Variants in CNTN5 observed in about 807,000 individuals in gnomAD.
The protein encoded by CNTN5 is contactin 5, also known as contactin-5.
In CNTN5, 77 loss-of-function variants were observed where a neutral mutation model predicts 129.1. The ratio of observed to expected loss-of-function variants is 0.60; its 90% confidence interval spans 0.50 to 0.72. CNTN5 has a LOEUF of 0.72. Ranked by LOEUF, CNTN5 falls within the 30% of genes least tolerant of loss-of-function variation. The probability of loss-of-function intolerance (pLI) is 0.00; values close to 1 mark genes in which losing one functional copy is unlikely to be tolerated. For synonymous variants in CNTN5, 509 were observed against 465.6 expected, an observed-to-expected ratio of 1.09 and a Z score of -1.20; for missense variants, 1,478 against 1,328.8, an observed-to-expected ratio of 1.11 and a Z score of -1.75.
At chr11:99,198,903 A>T (rs947864274) in intron 1 of CNTN5, among the ~76,000 whole-genome samples, 2 of 152,178 alleles carry the variant, frequency 1.3e-5, no homozygotes, top group African/African-American at 2.4e-5. Flanking sequence ...AGCCTCAGTC[A>T]TATTCTAGCA....
intron 2 of CNTN5, among the ~76,000 whole-genome samples, chr11:99,529,816 GTAAT>G (rs1465740030): frequency 6.6e-6 from 1 of 152,106 alleles, no homozygotes; most frequent in Non-Finnish European, 1.5e-5. Context: ...GGAAAACACT[GTAAT>G]TAACATGGAG....
chr11:100,129,361 C>A (rs879448373), intron 13 of CNTN5, among the ~76,000 whole-genome samples: 4 of 152,100 alleles, frequency 2.6e-5, no homozygotes, highest in Non-Finnish European at 5.9e-5. Flanking sequence ...GACCAATGGG[C>A]CAGTAAACGC....
intron 3 of CNTN5, among the ~76,000 whole-genome samples, chr11:99,589,091 A>T (rs914524578): frequency 1.3e-5 from 2 of 152,210 alleles, no homozygotes; most frequent in African/African-American, 4.8e-5. Context: ...ACATGTTGTG[A>T]AACTATAGAA....
intron 3 of CNTN5, among the ~76,000 whole-genome samples, chr11:99,682,212 T>C (rs1424666867): frequency 6.6e-6 from 1 of 152,066 alleles, no homozygotes; most frequent in African/African-American, 2.4e-5. Flanking sequence ...TCTTGAAATA[T>C]GACTTAAAAG....
In CNTN5 at chr11:99,083,716, A is replaced by G. The variant is rs147430783; in HGVS notation, c.-210+62446A>G. 2.9e-3 allele frequency among the ~76,000 whole-genome samples: 448 copies of G among 152,316 alleles called. 7 individuals are homozygous for G. The highest frequency in any genetic ancestry group is 0.015 in the East Asian group (77 of 5,170). On this transcript the variant is annotated intron_variant, in intron 1 of 24. Transcript: ENST00000524871. The stretch of plus-strand genomic sequence containing the variant: ...TCAAAATATACAACATTTTTAGTGG[A>G]GAAAACATTAGTTGTTTATGTTAAA...
intron 1 of CNTN5, among the ~76,000 whole-genome samples, chr11:99,159,410 C>G (rs1045970384): frequency 3.3e-5 from 5 of 152,174 alleles, no homozygotes; most frequent in African/African-American, 1.2e-4. Flanking sequence ...ATCACGAGGT[C>G]AGGAGATCGA....
intron 1 of CNTN5, among the ~76,000 whole-genome samples, chr11:99,023,482 G>A (rs1266797181): frequency 6.6e-6 from 1 of 152,130 alleles, no homozygotes; most frequent in African/African-American, 2.4e-5. Context: ...GCTGGCCAAA[G>A]CATTTTGGAG....
At chr11:99,897,506 A>T (rs900084842) in intron 6 of CNTN5, among the ~76,000 whole-genome samples, 1 of 135,224 alleles carries the variant, frequency 7.4e-6, no homozygotes, top group African/African-American at 3.1e-5. Flanking sequence ...AGCCTCCTTT[A>T]AAAAAAAAAT....
chr11:99,443,316 A>G (rs537565555), intron 2 of CNTN5, among the ~76,000 whole-genome samples: 164 of 152,236 alleles, frequency 1.1e-3, no homozygotes, highest in Non-Finnish European at 1.4e-3. Flanking sequence ...TTTCCTTTTT[A>G]TCTATGTGTA....
At position 100,074,133 on chromosome 11, in the gene CNTN5, T is replaced by C; in HGVS notation, c.1430-11T>C. On this transcript the variant is annotated splice_polypyrimidine_tract_variant and intron_variant, in intron 12 of 24. Coordinates refer to ENST00000524871, the MANE Select transcript of CNTN5 (RefSeq NM_014361.4). ...GCTTCTGGTAGAAACTAACATTTGC[T>C]TTTTTAATAGCTTCAGCTCCCACTT... is the stretch of plus-strand genomic sequence containing the variant. 1 of 1,604,480 alleles carries C rather than the reference T, an allele frequency of 6.2e-7. No homozygotes were observed. The highest frequency in any genetic ancestry group is 8.5e-7 in the Non-Finnish European group (1 of 1,176,774).
At chr11:99,284,079 T>G (rs1420366859) in intron 1 of CNTN5, among the ~76,000 whole-genome samples, 2 of 152,152 alleles carry the variant, frequency 1.3e-5, no homozygotes, top group African/African-American at 4.8e-5. Context: ...CTATACACAT[T>G]CCAAGATTTA....
At chr11:100,231,735 G>T (rs1949494274) in intron 16 of CNTN5, among the ~76,000 whole-genome samples, 1 of 152,166 alleles carries the variant, frequency 6.6e-6, no homozygotes, top group Admixed American at 6.6e-5. Flanking sequence ...AACATTTAGG[G>T]TTCTCCATTC....
intron 2 of CNTN5, among the ~76,000 whole-genome samples, chr11:99,501,064 G>A (rs1162625767): frequency 1.3e-5 from 2 of 152,070 alleles, no homozygotes; most frequent in Non-Finnish European, 2.9e-5. Context: ...GTGTTTGTGT[G>A]CATCTGTGTG....
At chr11:99,842,787 C>T (rs1230498472) in intron 4 of CNTN5, among the ~76,000 whole-genome samples, 1 of 152,072 alleles carries the variant, frequency 6.6e-6, no homozygotes, top group Non-Finnish European at 1.5e-5. Context: ...ACAACAAATA[C>T]AAAATTTTGA....
At chr11:99,771,157 T>C (rs559666588) in intron 3 of CNTN5, among the ~76,000 whole-genome samples, 1 of 152,094 alleles carries the variant, frequency 6.6e-6, no homozygotes, top group African/African-American at 2.4e-5. Flanking sequence ...ATTCTTGGGG[T>C]CACATCTCAA....
chr11:100,179,384 G>T (rs1401661731), intron 13 of CNTN5, among the ~76,000 whole-genome samples: 27 of 152,004 alleles, frequency 1.8e-4, no homozygotes, highest in Non-Finnish European at 8.8e-5. Context: ...AACTTCTATG[G>T]AATAAATGTG....
At chr11:99,828,505 T>C (rs1402619922) in intron 4 of CNTN5, among the ~76,000 whole-genome samples, 2 of 152,324 alleles carry the variant, frequency 1.3e-5, no homozygotes, top group East Asian at 3.9e-4. Flanking sequence ...TAACCACCTC[T>C]TAAAGTCCCA....
At chr11:100,322,099 TAAC>T (rs1951707419) in intron 21 of CNTN5, among the ~76,000 whole-genome samples, 1 of 152,226 alleles carries the variant, frequency 6.6e-6, no homozygotes, top group Non-Finnish European at 1.5e-5. Context: ...TCCTGACTTC[TAAC>T]AACACTAGTT....
chr11:99,094,900 C>A (rs1866405418), intron 1 of CNTN5, among the ~76,000 whole-genome samples: 1 of 151,898 alleles, frequency 6.6e-6, no homozygotes, highest in Non-Finnish European at 1.5e-5. Context: ...TTCATTTATT[C>A]ATGGTAAGTA....
Sources: gnomAD v4.1 joint callset for allele counts (sites outside exome capture counted in the v4.1 genomes callset) on GRCh38, gnomAD v4.1.1 for gene constraint, MANE v1.5 for transcripts, NCBI Gene and HGNC (gene_info 2026-07-23, HGNC 2026-07-21) for gene names.